Variants in MYO18B observed in about 807,000 individuals in gnomAD.
The protein encoded by MYO18B is myosin XVIIIB, also known as unconventional myosin-XVIIIb.
Under a neutral mutation model 273.0 loss-of-function variants are expected in MYO18B, and 204 were observed. The ratio of observed to expected loss-of-function variants is 0.75; its 90% CI spans 0.67 to 0.84. MYO18B has a LOEUF of 0.84. Ranked by LOEUF, MYO18B falls within the 40% of genes least tolerant of loss-of-function variation. The pLI is 0.00. For missense variants in MYO18B, 3,212 were observed against 3,287.6 expected, an observed-to-expected ratio of 0.98 and a Z score of 0.56; for synonymous variants, 1,330 against 1,305.7, an observed-to-expected ratio of 1.02 and a Z score of -0.40.
intron 12 of MYO18B, among the ~76,000 whole-genome samples, chr22:25,811,408 A>G (rs1295368132): frequency 1.3e-5 from 2 of 152,180 alleles, no homozygotes; most frequent in Admixed American, 1.3e-4. Flanking sequence ...AACCTTTCCC[A>G]GCAGCCCCCA....
chr22:25,811,271 C>A (rs2088746147), intron 12 of MYO18B, among the ~76,000 whole-genome samples: 1 of 151,932 alleles, frequency 6.6e-6, no homozygotes, highest in Non-Finnish European at 1.5e-5. Context: ...AATCCTCCCA[C>A]TTCGGTCTCC....
At chr22:25,786,597 G>T (rs751158461) in intron 11 of MYO18B, among the ~76,000 whole-genome samples, 16 of 151,994 alleles carry the variant, frequency 1.1e-4, no homozygotes, top group Non-Finnish European at 1.6e-4. Flanking sequence ...TAGAAGAAAG[G>T]TGAGAAAAAT....
chr22:25,874,094 G>A (rs939210676), intron 22 of MYO18B, among the ~76,000 whole-genome samples, 192 bp from the exon 23 acceptor site: 3 of 152,230 alleles, frequency 2.0e-5, no homozygotes, highest in African/African-American at 7.2e-5. Context: ...GGGCCTAGGG[G>A]AAGGGAGAGA....
chr22:25,811,459 G>C (rs145515585), intron 12 of MYO18B, among the ~76,000 whole-genome samples: 1 of 152,304 alleles, frequency 6.6e-6, no homozygotes, highest in East Asian at 1.9e-4. Context: ...ATTGAAACCA[G>C]GACATCGACA....
chr22:25,925,542 G>A (rs188685264), intron 34 of MYO18B, among the ~76,000 whole-genome samples: 24 of 152,198 alleles, frequency 1.6e-4, no homozygotes, highest in Admixed American at 3.3e-4. Context: ...TTTCTAAAGC[G>A]AAGCATCATC....
chr22:25,743,119 G>C (rs566688809), intron 1 of MYO18B, among the ~76,000 whole-genome samples: 1 of 152,386 alleles, frequency 6.6e-6, no homozygotes, highest in East Asian at 1.9e-4. Context: ...CTCCCAGTCG[G>C]CTCCAAGCTG....
chr22:25,890,831 C>T lies in MYO18B; in HGVS notation c.4390C>T (p.Arg1464Trp), dbSNP rs372963298. Residue 1464 changes from arginine (R) to tryptophan (W), a missense_variant, in exon 26 of 44, where the codon CGG becomes TGG. By Grantham distance (101) the Arg-to-Trp change is moderately radical (BLOSUM62 -3). Coordinates refer to ENST00000335473, the MANE Select transcript of MYO18B (RefSeq NM_032608.7). ...GGCCTGCCAGGTGCTGGAGAGTGAG[C>T]GGGCAGAGCGGCTACAGGCCTTCCG... is the stretch of plus-strand genomic sequence containing the variant. Reference protein sequence around the residue: ...DVACQVLESERAERLQAFREV... With the variant: ...DVACQVLESEWAERLQAFREV... 8.1e-5 allele frequency: 130 copies of T among 1,613,850 alleles called. 3 individuals are homozygous for T. Among genetic ancestry groups the T allele is most frequent in the Admixed American group, 7.8e-4 (47 of 60,014 alleles).
Position 25,898,467 on chromosome 22 carries a change from T to C in MYO18B, c.4823+6T>C. On this transcript the variant is annotated splice_donor_region_variant and intron_variant, in intron 29 of 43. Transcript: ENST00000335473. The stretch of plus-strand genomic sequence containing the variant: ...CTGGAGAAGAAGCAGAAGAAGTGAG[T>C]TGCATCTCTCACCATCACCTGGGCT... 1 of 1,612,760 alleles carries C rather than the reference T, an allele frequency of 6.2e-7. No homozygotes were observed. Among genetic ancestry groups the C allele is most frequent in the South Asian group, 1.1e-5 (1 of 90,868 alleles).
intron 40 of MYO18B, among the ~76,000 whole-genome samples, chr22:25,994,526 T>C (rs1164701518): frequency 8.4e-6 from 1 of 118,416 alleles, no homozygotes; most frequent in Non-Finnish European, 1.8e-5. Flanking sequence ...TAAAAGACTT[T>C]GTCTTAAAAA....
chr22:25,948,459 C>CTTCCTTCCTTCTTTCTTTCTTTCTTTCT (rs1442898869), intron 36 of MYO18B, among the ~76,000 whole-genome samples: 5 of 67,724 alleles, frequency 7.4e-5, no homozygotes, highest in African/African-American at 2.7e-4. Context: ...TCCTTCCTTC[C>CTTCCTTCCTTCTTTCTTTCTTTCTTTCT]TTCTTTCTTT....
At chr22:25,839,165 CAT>C (rs747316627) in intron 17 of MYO18B, among the ~76,000 whole-genome samples, 4 of 147,352 alleles carry the variant, frequency 2.7e-5, no homozygotes, top group Non-Finnish European at 6.0e-5. Context: ...TATGTGTGTG[CAT>C]GTGTGTATAT....
the MYO18B span, among the ~76,000 whole-genome samples, chr22:26,036,832 C>T: frequency 6.6e-6 from 1 of 152,174 alleles, no homozygotes; most frequent in African/African-American, 2.4e-5. Flanking sequence ...TAAAGTGAGT[C>T]AGTGTCTGTG....
chr22:25,847,722 A>C lies in MYO18B; in HGVS notation c.3775+70A>C, dbSNP rs999579673. 5.6e-5 allele frequency: 67 copies of C among 1,197,184 alleles called. No homozygotes were observed. In the Admixed American group the frequency reaches 1.3e-3, roughly 24 times the overall value. 74.2% of individuals were successfully genotyped at this position (1,197,184 alleles called of 1,614,324 possible). A position where few individuals can be genotyped will look rare whatever the true frequency, so the allele number is the denominator to read the frequency against. On this transcript the variant is annotated intron_variant, in intron 20 of 43. Transcript: ENST00000335473. ...ACATGTCCACCCACCAGTGGCAGCC[A>C]AGGGATGGGAGCCCCTGCCATGTGC...
chr22:26,048,161 C>T, the MYO18B span, among the ~76,000 whole-genome samples: 188 of 152,236 alleles, frequency 1.2e-3, no homozygotes, highest in African/African-American at 4.4e-3. Context: ...TTGGTCTGCG[C>T]GTTTTTTTGT....
chr22:25,893,904 C>CA (rs1479010924), intron 27 of MYO18B, among the ~76,000 whole-genome samples: 1 of 151,924 alleles, frequency 6.6e-6, no homozygotes, highest in East Asian at 1.9e-4. Context: ...TCCACCCATG[C>CA]ACCCACTTCT....
Position 25,908,417 on chromosome 22 carries a change from G to A in MYO18B, c.5244G>A (p.Gln1748=). ...DQEEELEDVR[Q]SCQKRLHQLE... ...AGGAGGAACTGGAGGATGTCCGTCAGTCCTGCCAGAAGCGGGTACGTGAGC... is the reference window on the plus strand; with the variant it reads ...AGGAGGAACTGGAGGATGTCCGTCAATCCTGCCAGAAGCGGGTACGTGAGC... The change falls in exon 32 of 44, where the codon CAG becomes CAA. Residue 1748 remains glutamine (Q), a synonymous_variant. Transcript: ENST00000335473. 1 of 1,592,842 alleles carries A rather than the reference G, an allele frequency of 6.3e-7. No homozygotes were observed. Among genetic ancestry groups the A allele is most frequent in the Non-Finnish European group, 8.5e-7 (1 of 1,169,898 alleles).
At chr22:25,889,403 ATC>A (rs1397283425) in intron 25 of MYO18B, among the ~76,000 whole-genome samples, 1 of 152,228 alleles carries the variant, frequency 6.6e-6, no homozygotes, top group Admixed American at 6.5e-5. Flanking sequence ...GCATTCTAAC[ATC>A]TTCACATGCA....
At chr22:25,991,204 G>A (rs1187433244) in intron 39 of MYO18B, among the ~76,000 whole-genome samples, 1 of 152,182 alleles carries the variant, frequency 6.6e-6, no homozygotes, top group African/African-American at 2.4e-5. Context: ...TAGCACTGCT[G>A]CAAACATCCT....
At chr22:25,825,976 C>T (rs976180584) in intron 13 of MYO18B, among the ~76,000 whole-genome samples, 2 of 152,164 alleles carry the variant, frequency 1.3e-5, no homozygotes, top group African/African-American at 4.8e-5. Context: ...GGTCAGCAAA[C>T]CCAGGGACAG....
Sources: gnomAD v4.1 joint callset for allele counts (sites outside exome capture counted in the v4.1 genomes callset) on GRCh38, gnomAD v4.1.1 for gene constraint, MANE v1.5 for transcripts, NCBI Gene and HGNC (gene_info 2026-07-23, HGNC 2026-07-21) for gene names.